CDH4: variants seen among roughly 807,000 people sequenced by gnomAD.
CDH4 encodes cadherin 4.
CDH4 carries 33 observed loss-of-function variants against 86.0 expected under a neutral mutation model. The observed-to-expected ratio is 0.38, with a 90% confidence interval of 0.29 to 0.51. The LOEUF (loss-of-function observed/expected upper bound fraction) is 0.51, where lower values mean the gene tolerates loss of function less well. CDH4 is among the 20% of genes least tolerant of loss of function. CDH4 has a pLI of 0.86. For missense variants in CDH4, 1,114 were observed against 1,307.4 expected (o/e 0.85, Z 2.28); for synonymous variants, 555 against 549.4 (o/e 1.01, Z -0.14).
Position 61,389,680 on chromosome 20 carries a change from G to A in CDH4, c.169+134743G>A, listed in dbSNP as rs138787346. Among the ~76,000 whole-genome samples, 615 of 152,190 alleles carry A rather than the reference G, an allele frequency of 4.0e-3. 5 individuals are homozygous for A. The highest frequency in any genetic ancestry group is 0.014 in the African/African-American group (593 of 41,548). On this transcript the variant is annotated intron_variant, in intron 2 of 15. Transcript: ENST00000614565. The stretch of plus-strand genomic sequence containing the variant: ...ACGGCGATGTCTGGAGGCATTTTTC[G>A]TTGTCACATCAGGGGGTGAGAACAA...
chr20:61,628,995 A>G (rs1439252338), intron 2 of CDH4, among the ~76,000 whole-genome samples: 1 of 152,222 alleles, frequency 6.6e-6, no homozygotes, highest in Non-Finnish European at 1.5e-5. Context: ...GTGTGCCGGC[A>G]AGTGCCTCTC....
At chr20:61,429,790 G>A (rs968305990) in intron 2 of CDH4, among the ~76,000 whole-genome samples, 4 of 152,078 alleles carry the variant, frequency 2.6e-5, no homozygotes, top group African/African-American at 9.7e-5. Flanking sequence ...TGGATGGGTG[G>A]GTGGAAAGAT....
intron 3 of CDH4, among the ~76,000 whole-genome samples, chr20:61,758,295 A>T (rs1011068683): frequency 2.0e-5 from 3 of 152,152 alleles, no homozygotes; most frequent in Admixed American, 2.0e-4. Flanking sequence ...GGAACAGCAG[A>T]TGCAAAGAGC....
At chr20:61,579,750 C>T (rs1468760568) in intron 2 of CDH4, among the ~76,000 whole-genome samples, 2 of 152,092 alleles carry the variant, frequency 1.3e-5, no homozygotes, top group Admixed American at 6.5e-5. Context: ...GATTGAGCTA[C>T]GAATCTCCAT....
intron 4 of CDH4, among the ~76,000 whole-genome samples, chr20:61,831,345 C>G (rs1981603144): frequency 6.6e-6 from 1 of 152,210 alleles, no homozygotes; most frequent in South Asian, 2.1e-4. Flanking sequence ...TGAGAAGCAG[C>G]CATTTCTTTG....
intron 2 of CDH4, among the ~76,000 whole-genome samples, chr20:61,497,502 A>G (rs936201705): frequency 1.4e-4 from 21 of 152,234 alleles, no homozygotes; most frequent in Non-Finnish European, 2.2e-4. Flanking sequence ...CAAAACCACA[A>G]TGAGATACCA....
chr20:61,423,522 C>T (rs1157075037), intron 2 of CDH4, among the ~76,000 whole-genome samples: 2 of 152,158 alleles, frequency 1.3e-5, no homozygotes. Flanking sequence ...TTCTTTAGTT[C>T]TGGTGTGGTT....
intron 2 of CDH4, among the ~76,000 whole-genome samples, chr20:61,680,735 G>A (rs957135043): frequency 2.6e-5 from 4 of 152,126 alleles, no homozygotes; most frequent in Non-Finnish European, 2.9e-5. Context: ...TAGTTGGAGC[G>A]TTGACTCTGT....
At chr20:61,720,006 G>A (rs147050459) in intron 2 of CDH4, among the ~76,000 whole-genome samples, 2 of 152,266 alleles carry the variant, frequency 1.3e-5, no homozygotes, top group East Asian at 3.9e-4. Flanking sequence ...ATGGGTGAGC[G>A]GGCGTCTTCC....
rs1211488543 is a variant in CDH4 at position 61,472,841 on chromosome 20, CAA to C, written c.169+217906_169+217907del. Among the ~76,000 whole-genome samples the C allele has an allele frequency of 2.0e-5, 3 of 152,058 alleles. No homozygotes were observed. The East Asian group carries it at 5.8e-4, about 29-fold the overall frequency. On this transcript the variant is annotated intron_variant, in intron 2 of 15. Coordinates refer to ENST00000614565, the MANE Select transcript of CDH4 (RefSeq NM_001794.5). ...ATTTTACACAGGCCTGCTTTTTAGT[CAA>C]ATATGAATCATCTATTCTCATTTTG...
rs73915248 is a variant in CDH4, at chr20:61,268,090, G to A, written c.169+13153G>A. Among the ~76,000 whole-genome samples the A allele has an allele frequency of 5.4e-3, 820 of 152,326 alleles. 7 individuals are homozygous for A. The highest frequency in any genetic ancestry group is 0.018 in the African/African-American group (765 of 41,572). On this transcript the variant is annotated intron_variant, in intron 2 of 15. Coordinates refer to ENST00000614565, the MANE Select transcript of CDH4 (RefSeq NM_001794.5). ...ACCCCTAAGGGTCTTCTTCCGACATGTGTGGCTGTGGGACACACAGCCTGC... is the reference window on the plus strand; with the variant it reads ...ACCCCTAAGGGTCTTCTTCCGACATATGTGGCTGTGGGACACACAGCCTGC...
At chr20:61,859,135 A>G (rs1983204818) in intron 6 of CDH4, among the ~76,000 whole-genome samples, 1 of 150,966 alleles carries the variant, frequency 6.6e-6, no homozygotes, top group Non-Finnish European at 1.5e-5. Context: ...CGTGGTTTTA[A>G]TGTGTTTTCC....
intron 2 of CDH4, among the ~76,000 whole-genome samples, chr20:61,425,633 A>G (rs1453692167): frequency 6.6e-6 from 1 of 152,258 alleles, no homozygotes; most frequent in African/African-American, 2.4e-5. Context: ...GCGGCAGCGC[A>G]CAGAAACCCG....
intron 2 of CDH4, among the ~76,000 whole-genome samples, chr20:61,649,891 C>T (rs1055861543): frequency 6.6e-6 from 1 of 152,184 alleles, no homozygotes; most frequent in South Asian, 2.1e-4. Flanking sequence ...TGTCTGACCT[C>T]CAGGACGCTG....
At chr20:61,478,476 G>T (rs1301430381) in intron 2 of CDH4, among the ~76,000 whole-genome samples, 1 of 152,226 alleles carries the variant, frequency 6.6e-6, no homozygotes, top group African/African-American at 2.4e-5. Context: ...AACTCTGCTT[G>T]TCTTCCAACA....
chr20:61,365,361 T>C (rs2084805747), intron 2 of CDH4, among the ~76,000 whole-genome samples: 2 of 152,136 alleles, frequency 1.3e-5, no homozygotes, highest in African/African-American at 4.8e-5. Flanking sequence ...GTTAGGAGCA[T>C]TCAAGAACAT....
At chr20:61,442,665 A>G (rs906505171) in intron 2 of CDH4, among the ~76,000 whole-genome samples, 2 of 152,254 alleles carry the variant, frequency 1.3e-5, no homozygotes, top group Admixed American at 1.3e-4. Flanking sequence ...GTGGAGCCTC[A>G]TCCACGATCA....
At chr20:61,301,142 A>G (rs1365692443) in intron 2 of CDH4, among the ~76,000 whole-genome samples, 4 of 152,354 alleles carry the variant, frequency 2.6e-5, no homozygotes, top group Admixed American at 6.5e-5. Context: ...CCCGCTTCAC[A>G]GATGGAAGGA....
chr20:61,618,014 A>T (rs2145769294), intron 2 of CDH4, among the ~76,000 whole-genome samples: 1 of 152,140 alleles, frequency 6.6e-6, no homozygotes, highest in East Asian at 1.9e-4. Flanking sequence ...GCCATGTAAG[A>T]TGTGCCTTTC....
Sources: gnomAD v4.1 joint callset for allele counts (sites outside exome capture counted in the v4.1 genomes callset) on GRCh38, gnomAD v4.1.1 for gene constraint, MANE v1.5 for transcripts, NCBI Gene and HGNC (gene_info 2026-07-23, HGNC 2026-07-21) for gene names.